PCDHGB5: variants seen among roughly 807,000 people sequenced by gnomAD.
PCDHGB5 encodes the protein protocadherin gamma subfamily B, 5, also known as protocadherin gamma-B5.
Under a neutral mutation model 62.9 loss-of-function variants are expected in PCDHGB5, and 48 were observed. That is an observed-to-expected ratio of 0.76 (90% CI 0.61 to 0.97). The LOEUF is 0.97. Ranked by LOEUF, PCDHGB5 falls within the 50% of genes least tolerant of loss-of-function variation. PCDHGB5 has a pLI of 0.00. For synonymous variants in PCDHGB5, 474 were observed against 511.2 expected, an observed-to-expected ratio of 0.93 and a Z score of 0.98; for missense variants, 1,118 against 1,198.6, an observed-to-expected ratio of 0.93 and a Z score of 0.99.
At chr5:141,409,576 G>C (rs1238671221) in intron 1 of PCDHGB5, 52 of 1,613,806 alleles carry the variant, frequency 3.2e-5, no homozygotes, top group Non-Finnish European at 4.2e-5. Flanking sequence ...CGTCCTACGT[G>C]GTCCACGTGG....
At chr5:141,434,193 T>G (rs2097677103) in intron 1 of PCDHGB5, among the ~76,000 whole-genome samples, 1 of 152,246 alleles carries the variant, frequency 6.6e-6, no homozygotes, top group South Asian at 2.1e-4. Flanking sequence ...GTAATTCCAA[T>G]GTACTTACTT....
intron 2 of PCDHGB5, among the ~76,000 whole-genome samples, chr5:141,502,109 C>G (rs2099812899): frequency 1.3e-5 from 2 of 152,182 alleles, no homozygotes; most frequent in Admixed American, 1.3e-4. Flanking sequence ...ACCCTGCACC[C>G]TCAGCCAGGC....
In PCDHGB5 at chr5:141,476,824, C is replaced by A; in HGVS notation, c.2398-17983C>A. On this transcript the variant is annotated intron_variant, in intron 1 of 3. Coordinates refer to ENST00000617380, the MANE Select transcript of PCDHGB5 (RefSeq NM_018925.3). This position sits in a 1 kb window ranked among gnomAD's most constrained non-coding sequence, Gnocchi z 7.6. Reference sequence around the variant, plus strand: ...TGCCTATTCACATCAAGGTGCTGGACGCGAATGACAATGCGCCTGTCTTCA... The same window carrying A: ...TGCCTATTCACATCAAGGTGCTGGAAGCGAATGACAATGCGCCTGTCTTCA... The A allele has an allele frequency of 1.2e-6, 2 of 1,613,588 alleles. No individual in the cohort carries two copies. The highest frequency in any genetic ancestry group is 1.7e-6 in the Non-Finnish European group (2 of 1,180,036).
At chr5:141,465,923 C>G (rs908350232) in intron 1 of PCDHGB5, among the ~76,000 whole-genome samples, 2 of 152,062 alleles carry the variant, frequency 1.3e-5, no homozygotes, top group African/African-American at 4.8e-5. Flanking sequence ...GATTTCGAGT[C>G]CATCCTGGCT....
intron 2 of PCDHGB5, among the ~76,000 whole-genome samples, chr5:141,497,264 A>G (rs2154592078): frequency 6.6e-6 from 1 of 152,258 alleles, no homozygotes; most frequent in East Asian, 1.9e-4. Flanking sequence ...GAGAAGTTCT[A>G]GGCCATTTAT....
chr5:141,422,616 C>T, intron 1 of PCDHGB5: 1 of 1,613,714 alleles, frequency 6.2e-7, no homozygotes. Flanking sequence ...CCTACATTCC[C>T]GAAAACAACC....
chr5:141,487,404 C>A lies in PCDHGB5; in HGVS notation c.2398-7403C>A, dbSNP rs771371344. 1.2e-6 allele frequency: 2 copies of A among 1,614,178 alleles called. No homozygotes were observed. Among genetic ancestry groups the A allele is most frequent in the Non-Finnish European group, 1.7e-6 (2 of 1,180,032 alleles). ...AGATCTCGAAGGAGGGAGGGGCTTC[C>A]CCCTTCCAATGGGATCCTCCGAATC... is the stretch of plus-strand genomic sequence containing the variant. On this transcript the variant is annotated intron_variant, in intron 1 of 3. Coordinates refer to ENST00000617380, the MANE Select transcript of PCDHGB5 (RefSeq NM_018925.3). The surrounding 1 kb of genome is among the most constrained non-coding windows in gnomAD (Gnocchi z 5.0).
chr5:141,483,133 T>C (rs1263073911), intron 1 of PCDHGB5, among the ~76,000 whole-genome samples: 25 of 152,142 alleles, frequency 1.6e-4, no homozygotes, highest in South Asian at 1.2e-3. Flanking sequence ...GGAGATGAGG[T>C]GAAGCAAGTA....
intron 1 of PCDHGB5, chr5:141,440,868 T>G (rs1288344051): frequency 3.9e-5 from 6 of 152,150 alleles, no homozygotes; most frequent in Non-Finnish European, 1.5e-5. Context: ...ATCTAGGATG[T>G]GTACAGCGTC....
rs2099884159 is a variant in PCDHGB5 at position 141,512,278 on chromosome 5, G to A, written c.*1105G>A. 6.5e-6 allele frequency: 1 copy of A among 152,812 alleles called. No homozygotes were observed. Among genetic ancestry groups the A allele is most frequent in the Non-Finnish European group, 1.5e-5 (1 of 68,170 alleles). 9.5% of individuals were successfully genotyped at this position (152,812 alleles called of 1,614,324 possible). A position where few individuals can be genotyped will look rare whatever the true frequency, so the allele number is the denominator to read the frequency against. ...TGCTGGGTACTCCAGAGGTGCCACT[G>A]GTGGAAGGGTCAGCGGAGCCCCAGC... On this transcript the variant is annotated 3_prime_UTR_variant, in exon 4 of 4. Coordinates refer to ENST00000617380, the MANE Select transcript of PCDHGB5 (RefSeq NM_018925.3).
At chr5:141,405,226 C>T (rs756970325) in intron 1 of PCDHGB5, 6 of 1,613,934 alleles carry the variant, frequency 3.7e-6, no homozygotes, top group Admixed American at 3.3e-5. Context: ...AGGAGTTCTC[C>T]CTCACCGCTG....
chr5:141,442,227 T>G (rs953690152), intron 1 of PCDHGB5: 16 of 153,240 alleles, frequency 1.0e-4, no homozygotes, highest in African/African-American at 3.6e-4. Context: ...TTAATTTCCT[T>G]TTTATTCTTC....
chr5:141,400,076 T>A lies in PCDHGB5; in HGVS notation c.1949T>A (p.Leu650His). 1 of 1,613,932 alleles carries A rather than the reference T, an allele frequency of 6.2e-7. No homozygotes were observed. Among genetic ancestry groups the A allele is most frequent in the Non-Finnish European group, 8.5e-7 (1 of 1,179,870 alleles). ...GTGCGTGATGGTGGACAGCCGCCAC[T>A]CTCCGCCACCGCCACGCTGCACTTG... ...VAVRDGGQPP[L>H]SATATLHLVF... The change falls in exon 1 of 4, where the codon CTC (leucine) becomes CAC (histidine). Residue 650 changes from leucine to histidine, a missense_variant. Physicochemically the swap from Leu to His is moderately conservative, Grantham distance 99. Transcript: ENST00000617380.
At chr5:141,426,048 A>G (rs2096911760) in intron 1 of PCDHGB5, among the ~76,000 whole-genome samples, 1 of 152,182 alleles carries the variant, frequency 6.6e-6, no homozygotes, top group Non-Finnish European at 1.5e-5. Context: ...CTGTTGGCCA[A>G]TGTGCTGCAA....
chr5:141,471,208 C>G (rs559571022), intron 1 of PCDHGB5: 1 of 151,664 alleles, frequency 6.6e-6, no homozygotes, highest in Non-Finnish European at 1.5e-5. Context: ...CACCCCCATG[C>G]CTGGCAATTT....
At chr5:141,403,414 T>C (rs373392812) in intron 1 of PCDHGB5, 142 of 1,613,926 alleles carry the variant, frequency 8.8e-5, no homozygotes, top group Middle Eastern at 1.6e-4. Context: ...GTTATCCACT[T>C]CCAGAAGCTA....
chr5:141,408,153 C>T, intron 1 of PCDHGB5: 4 of 1,509,360 alleles, frequency 2.7e-6, no homozygotes, highest in Non-Finnish European at 3.6e-6. Context: ...CGGTAGAGTG[C>T]ACTTTCTCCA....
At chr5:141,419,385 C>T (rs753470433) in intron 1 of PCDHGB5, 6 of 1,613,686 alleles carry the variant, frequency 3.7e-6, no homozygotes, top group Admixed American at 1.7e-5. Context: ...TCCGTGAGCG[C>T]GCAGAGCGGG....
At chr5:141,403,588 C>T in intron 1 of PCDHGB5, 1 of 1,613,904 alleles carries the variant, frequency 6.2e-7, no homozygotes, top group South Asian at 1.1e-5. Flanking sequence ...ACCTGGTCCT[C>T]ACGGCCTCGG....
Sources: gnomAD v4.1 joint callset for allele counts (sites outside exome capture counted in the v4.1 genomes callset) on GRCh38, gnomAD v4.1.1 for gene constraint, Gnocchi (gnomAD v3.1) non-coding constraint, MANE v1.5 for transcripts, NCBI Gene and HGNC (gene_info 2026-07-23, HGNC 2026-07-21) for gene names.